The following GGACT variants were observed in gnomAD, a reference collection of about 807,000 sequenced individuals.
GGACT encodes gamma-glutamylaminecyclotransferase.
For missense variants in GGACT, 241 were observed against 233.2 expected (o/e 1.03, Z -0.22); for synonymous variants, 118 against 115.3 (o/e 1.02, Z -0.15).
At position 100,539,748 on chromosome 13, in the gene GGACT, C is replaced by T. The variant is rs2153012788; in HGVS notation, c.-10-7147G>A. On this transcript the variant is annotated intron_variant, in intron 2 of 2. Coordinates refer to ENST00000683975, the MANE Select transcript of GGACT (RefSeq NM_001195087.2). The stretch of plus-strand genomic sequence containing the variant: ...TCTTCTTCATTCTTTAGAAGAGTTT[C>T]AGGAGGACTGGTGTGAATTCTGTAA... The T allele has an allele frequency of 1.4e-5, 9 of 623,746 alleles. No homozygotes were observed. The South Asian group carries it at 1.6e-4, about 11-fold the overall frequency. 38.6% of individuals were successfully genotyped at this position (623,746 alleles called of 1,614,324 possible).
chr13:100,582,406 A>G (rs1006935070), intron 2 of GGACT, among the ~76,000 whole-genome samples: 4 of 152,200 alleles, frequency 2.6e-5, no homozygotes, highest in African/African-American at 9.7e-5. Flanking sequence ...ATGGCCACCC[A>G]AAGATGTTTA....
At chr13:100,585,516 G>A (rs907600720) in intron 1 of GGACT, among the ~76,000 whole-genome samples, 3 of 151,946 alleles carry the variant, frequency 2.0e-5, no homozygotes, top group African/African-American at 4.8e-5. Context: ...GGCTGTAATC[G>A]CAGCACTTTG....
At chr13:100,566,231 T>C (rs1262802583) in intron 2 of GGACT, among the ~76,000 whole-genome samples, 9 of 152,352 alleles carry the variant, frequency 5.9e-5, no homozygotes, top group Non-Finnish European at 1.0e-4. Context: ...TAATTTTTGT[T>C]GTTTTCAGTC....
At chr13:100,532,625 G>A in intron 2 of GGACT, 24 bp from the exon 3 acceptor site, 1 of 1,499,294 alleles carries the variant, frequency 6.7e-7, no homozygotes, top group Non-Finnish European at 9.0e-7. Flanking sequence ...GGAAGTCACA[G>A]GTCAGCCCGC....
At chr13:100,573,896 A>C (rs1392626195) in intron 2 of GGACT, among the ~76,000 whole-genome samples, 6 of 140,736 alleles carry the variant, frequency 4.3e-5, no homozygotes, top group Admixed American at 1.4e-4. Flanking sequence ...AAAAAAAAAA[A>C]AAAACATGCT....
At chr13:100,580,775 T>C (rs1566540249) in intron 2 of GGACT, among the ~76,000 whole-genome samples, 1 of 152,190 alleles carries the variant, frequency 6.6e-6, no homozygotes, top group Non-Finnish European at 1.5e-5. Context: ...CTCAAGGTAG[T>C]AGGATCTCAT....
chr13:100,539,580 T>C, intron 2 of GGACT: 2 of 366,844 alleles, frequency 5.5e-6, no homozygotes, highest in Non-Finnish European at 4.9e-6. Context: ...ATAATCCTTT[T>C]AATGTGTTGT....
intron 2 of GGACT, among the ~76,000 whole-genome samples, chr13:100,574,340 T>G (rs1213152734): frequency 1.3e-5 from 2 of 152,138 alleles, no homozygotes; most frequent in Non-Finnish European, 2.9e-5. Flanking sequence ...TTTGGGAGGC[T>G]GAGGCCGGTG....
In GGACT at chr13:100,535,066, C is replaced by T. The variant is rs892732679; in HGVS notation, c.-10-2465G>A. Among the ~76,000 whole-genome samples, 4 of 152,306 alleles carry T rather than the reference C, an allele frequency of 2.6e-5. No homozygotes were observed. The East Asian group carries it at 5.8e-4, about 22-fold the overall frequency. ...GAAGAGAACTTGGAAACTGTTTGGTCCAGCACCTGCAGGTGAGGAAGCCGA... is the reference window on the plus strand; with the variant it reads ...GAAGAGAACTTGGAAACTGTTTGGTTCAGCACCTGCAGGTGAGGAAGCCGA... On this transcript the variant is annotated intron_variant, in intron 2 of 2. Transcript: ENST00000683975.
intron 2 of GGACT, chr13:100,540,274 G>A (rs1355921786): frequency 8.6e-7 from 1 of 1,161,716 alleles, no homozygotes. Flanking sequence ...CGGAGAGAGA[G>A]TGGGCTTTTC....
chr13:100,545,281 C>T lies in GGACT; in HGVS notation c.-10-12680G>A, dbSNP rs1037643797. 1.3e-5 allele frequency among the ~76,000 whole-genome samples: 2 copies of T among 152,240 alleles called. No homozygotes were observed. Among genetic ancestry groups the T allele is most frequent in the Non-Finnish European group, 2.9e-5 (2 of 68,042 alleles). On this transcript the variant is annotated intron_variant, in intron 2 of 2. Coordinates refer to ENST00000683975, the MANE Select transcript of GGACT (RefSeq NM_001195087.2). The surrounding 1 kb of genome is among the most constrained non-coding windows in gnomAD (Gnocchi z 4.4). ...GGTGCTCCAAACCACATGGTGAGGC[C>T]GCTTCACTCCCAGCTTCTCCCCCCT... is the stretch of plus-strand genomic sequence containing the variant.
chr13:100,544,324 G>A (rs925162481), intron 2 of GGACT, among the ~76,000 whole-genome samples: 1 of 152,250 alleles, frequency 6.6e-6, no homozygotes, highest in Admixed American at 6.5e-5. Flanking sequence ...CGCGAGGCGG[G>A]CCCTAAGGTC....
At chr13:100,581,613 T>A (rs1875419416) in intron 2 of GGACT, among the ~76,000 whole-genome samples, 1 of 152,194 alleles carries the variant, frequency 6.6e-6, no homozygotes, top group Non-Finnish European at 1.5e-5. Context: ...GTAGACACTT[T>A]CCCCTTAAGG....
At chr13:100,551,326 G>A (rs1178195123) in intron 2 of GGACT, among the ~76,000 whole-genome samples, 2 of 152,070 alleles carry the variant, frequency 1.3e-5, no homozygotes, top group Non-Finnish European at 2.9e-5. Flanking sequence ...ACACAGACAG[G>A]ATAAAACCAA....
At position 100,545,961 on chromosome 13, in the gene GGACT, C is replaced by T. The variant is rs1240532902; in HGVS notation, c.-10-13360G>A. Among the ~76,000 whole-genome samples, 1 of 152,206 alleles carries T rather than the reference C, an allele frequency of 6.6e-6. No homozygotes were observed. Among genetic ancestry groups the T allele is most frequent in the African/African-American group, 2.4e-5 (1 of 41,462 alleles). On this transcript the variant is annotated intron_variant, in intron 2 of 2. Transcript: ENST00000683975. The surrounding 1 kb of genome is among the most constrained non-coding windows in gnomAD (Gnocchi z 4.4). ...GCAACCTGCTGGGCCACCCAGAGTG[C>T]CTTTCCCCCTCTTTTCCTCCATCAT... is the stretch of plus-strand genomic sequence containing the variant.
intron 2 of GGACT, among the ~76,000 whole-genome samples, chr13:100,553,736 T>C (rs1241207252): frequency 1.3e-5 from 2 of 149,550 alleles, no homozygotes; most frequent in African/African-American, 5.0e-5. Context: ...CCCAGCTACT[T>C]GGGAAGTTGA....
chr13:100,566,059 C>T (rs4772307), intron 2 of GGACT, among the ~76,000 whole-genome samples: 65,699 of 152,022 alleles, frequency 0.43, 14,801 homozygotes, highest in Non-Finnish European at 0.47. Flanking sequence ...TCAGAAAGGA[C>T]CAAGGCATGC....
At chr13:100,546,830 G>C (rs998899131) in intron 2 of GGACT, among the ~76,000 whole-genome samples, 2 of 152,144 alleles carry the variant, frequency 1.3e-5, no homozygotes, top group Admixed American at 6.5e-5. Context: ...CTTGCTTTTC[G>C]AGCAAGGGAG....
At chr13:100,554,500 A>G (rs922575040) in intron 2 of GGACT, among the ~76,000 whole-genome samples, 1 of 152,194 alleles carries the variant, frequency 6.6e-6, no homozygotes, top group Non-Finnish European at 1.5e-5. Context: ...GATATGACCT[A>G]TACACAATGA....
Sources: allele counts gnomAD v4.1 joint callset (sites outside exome capture counted in the v4.1 genomes callset), GRCh38; gene constraint gnomAD v4.1.1; non-coding constraint Gnocchi (gnomAD v3.1); transcripts MANE v1.5; gene names NCBI Gene and HGNC (gene_info 2026-07-23, HGNC 2026-07-21).